The following KLHL2 variants were observed in gnomAD, a reference collection of about 807,000 sequenced individuals.
The protein encoded by KLHL2 is kelch like family member 2.
A neutral mutation model predicts 75.8 loss-of-function variants in KLHL2; 15 were observed. That is an observed-to-expected ratio of 0.20 (90% confidence interval 0.13 to 0.30). The LOEUF is 0.30. Among genes scored for constraint, KLHL2 ranks in the 10% least tolerant of loss-of-function variants. The probability of loss-of-function intolerance (pLI) is 1.00; values close to 1 mark genes in which losing one functional copy is unlikely to be tolerated. For missense variants in KLHL2, 381 were observed against 741.0 expected, an observed-to-expected ratio of 0.51 and a Z score of 5.64; for synonymous variants, 214 against 251.9, an observed-to-expected ratio of 0.85 and a Z score of 1.42.
intron 4 of KLHL2, among the ~76,000 whole-genome samples, chr4:165,262,807 G>C (rs1421550490): frequency 2.6e-5 from 4 of 152,108 alleles, no homozygotes. Context: ...TCAAACTTCT[G>C]AACTCAAGCG....
chr4:165,264,704 G>GTGTGTATATATATATATATATATATA (rs1323043527), intron 5 of KLHL2, among the ~76,000 whole-genome samples: 1 of 82,846 alleles, frequency 1.2e-5, no homozygotes, highest in Non-Finnish European at 2.2e-5. Context: ...GTGTGTGTGT[G>GTGTGTATATATATATATATATATATA]TATATATATA....
At chr4:165,263,453 T>C in intron 5 of KLHL2, 94 bp downstream of exon 5, 1 of 1,540,480 alleles carries the variant, frequency 6.5e-7, no homozygotes, top group Non-Finnish European at 8.8e-7. Flanking sequence ...GTCATATTTC[T>C]GGATCTGGGC....
At chr4:165,229,063 C>T (rs965991477) in intron 3 of KLHL2, 150 bp downstream of exon 3, 3 of 577,510 alleles carry the variant, frequency 5.2e-6, no homozygotes, top group Non-Finnish European at 9.4e-6. Flanking sequence ...CAAATTCCTC[C>T]TCGTCTTTGT....
At chr4:165,306,345 A>G (rs1560824735) in intron 9 of KLHL2, among the ~76,000 whole-genome samples, 1 of 152,248 alleles carries the variant, frequency 6.6e-6, no homozygotes, top group South Asian at 2.1e-4. Flanking sequence ...ACCTCATTCA[A>G]TAAGAGCTGT....
At chr4:165,266,569 A>G (rs1227239327) in intron 5 of KLHL2, among the ~76,000 whole-genome samples, 1 of 152,180 alleles carries the variant, frequency 6.6e-6, no homozygotes, top group East Asian at 1.9e-4. Flanking sequence ...CCATTTATTA[A>G]ATAGGGAGTC....
At chr4:165,236,756 AAATT>A (rs1177444945) in intron 3 of KLHL2, among the ~76,000 whole-genome samples, 1 of 152,202 alleles carries the variant, frequency 6.6e-6, no homozygotes, top group Non-Finnish European at 1.5e-5. Context: ...CTGTTTTTGT[AAATT>A]AATATAAAAA....
intron 1 of KLHL2, among the ~76,000 whole-genome samples, chr4:165,215,723 A>ATT (rs544528888): frequency 4.0e-5 from 6 of 150,598 alleles, no homozygotes; most frequent in African/African-American, 1.2e-4. Context: ...GAATGGTTGC[A>ATT]TTTTTTTTTT....
rs560684196 is a variant in KLHL2 at position 165,319,349 on chromosome 4, G to A, written c.1753+1380G>A. On this transcript the variant is annotated intron_variant, in intron 14 of 14. Coordinates refer to ENST00000226725, the MANE Select transcript of KLHL2 (RefSeq NM_007246.4). This position sits in a 1 kb window ranked among gnomAD's most constrained non-coding sequence, Gnocchi z 4.5. ...CATGGGACCCATACAAAGTGCCACCGGTGATGGTGCTAGGAAGTGCTTCAA... is the reference window on the plus strand; with the variant it reads ...CATGGGACCCATACAAAGTGCCACCAGTGATGGTGCTAGGAAGTGCTTCAA... 2.1e-4 allele frequency among the ~76,000 whole-genome samples: 32 copies of A among 152,236 alleles called. No homozygotes were observed. Among genetic ancestry groups the A allele is most frequent in the Middle Eastern group, 3.4e-3 (1 of 294 alleles).
intron 13 of KLHL2, 87 bp downstream of exon 13, chr4:165,314,253 A>G: frequency 1.6e-6 from 2 of 1,250,486 alleles, no homozygotes; most frequent in Non-Finnish European, 2.3e-6. Context: ...TATCAATGGT[A>G]TTTCCATTGT....
intron 4 of KLHL2, among the ~76,000 whole-genome samples, chr4:165,256,528 G>A (rs372747823): frequency 5.3e-5 from 8 of 152,202 alleles, no homozygotes; most frequent in Admixed American, 1.3e-4. Context: ...CTTTCAACAC[G>A]CCAAAGTGAG....
chr4:165,213,827 A>G (rs1396936781), intron 1 of KLHL2, among the ~76,000 whole-genome samples: 1 of 152,246 alleles, frequency 6.6e-6, no homozygotes, highest in African/African-American at 2.4e-5. Context: ...ATGAAGGCCA[A>G]TAAGATCCAT....
At position 165,263,214 on chromosome 4, in the gene KLHL2, T is replaced by A; in HGVS notation, c.399T>A (p.Ala133=). 1 of 1,614,028 alleles carries A rather than the reference T, an allele frequency of 6.2e-7. No homozygotes were observed. The highest frequency in any genetic ancestry group is 8.5e-7 in the Non-Finnish European group (1 of 1,179,948). Residue 133 remains alanine (A), a synonymous_variant, in exon 5 of 15, where the codon GCT becomes GCA. Coordinates refer to ENST00000226725, the MANE Select transcript of KLHL2 (RefSeq NM_007246.4). ...EENVQVLLPA[A]GLLQLQDVKK... ...TGTTGCAGGTACTTCTCCCAGCAGC[T>A]GGTCTCTTACAGTTACAGGATGTGA...
At chr4:165,218,299 T>C (rs1737696167) in intron 1 of KLHL2, among the ~76,000 whole-genome samples, 1 of 152,166 alleles carries the variant, frequency 6.6e-6, no homozygotes, top group African/African-American at 2.4e-5. Flanking sequence ...AAAGGCCCTT[T>C]GTGATCTGCA....
intron 5 of KLHL2, among the ~76,000 whole-genome samples, chr4:165,270,106 C>T (rs968592860): frequency 1.3e-5 from 2 of 152,068 alleles, no homozygotes; most frequent in African/African-American, 4.8e-5. Context: ...TCCACTTGGT[C>T]GAATCGGCTA....
intron 13 of KLHL2, 89 bp from the exon 14 acceptor site, chr4:165,317,737 C>G: frequency 1.0e-6 from 1 of 960,980 alleles, no homozygotes; most frequent in South Asian, 1.7e-5. Flanking sequence ...AAATTAGTGT[C>G]TCTGGATTAC....
chr4:165,279,348 A>C lies in KLHL2; in HGVS notation c.545-15011A>C, dbSNP rs563561331. 2.2e-5 allele frequency: 35 copies of C among 1,580,226 alleles called. No homozygotes were observed. The East Asian group carries it at 7.4e-4, about 33-fold the overall frequency. On this transcript the variant is annotated intron_variant, in intron 5 of 14. Coordinates refer to ENST00000226725, the MANE Select transcript of KLHL2 (RefSeq NM_007246.4). ...AGAGGCTCTCCAGTTATCTTGTCCC[A>C]GACTACGGTGGTTTCCCTCTGGTTG... is the stretch of plus-strand genomic sequence containing the variant.
chr4:165,216,116 T>G (rs1737522864), intron 1 of KLHL2, among the ~76,000 whole-genome samples: 1 of 152,310 alleles, frequency 6.6e-6, no homozygotes, highest in Admixed American at 6.5e-5. Flanking sequence ...CTTTGCCTGG[T>G]TTGGAAATCT....
chr4:165,216,531 C>G (rs111388248), intron 1 of KLHL2, among the ~76,000 whole-genome samples: 31,318 of 152,158 alleles, frequency 0.21, 3,911 homozygotes, highest in Non-Finnish European at 0.3. Flanking sequence ...AAGGCTAGCA[C>G]TTTGCTTCAG....
intron 2 of KLHL2, among the ~76,000 whole-genome samples, chr4:165,224,507 A>G (rs1738271577): frequency 6.6e-6 from 1 of 152,236 alleles, no homozygotes; most frequent in South Asian, 2.1e-4. Flanking sequence ...TAAGCAAAAT[A>G]GCCTGACCTG....
Sources: gnomAD v4.1 joint callset for allele counts (sites outside exome capture counted in the v4.1 genomes callset) on GRCh38, gnomAD v4.1.1 for gene constraint, Gnocchi (gnomAD v3.1) non-coding constraint, MANE v1.5 for transcripts, NCBI Gene and HGNC (gene_info 2026-07-23, HGNC 2026-07-21) for gene names.